The following KLHL1 variants were observed in gnomAD, a reference collection of about 807,000 sequenced individuals.
The protein encoded by KLHL1 is kelch-like protein 1.
KLHL1 carries 47 observed loss-of-function variants against 77.7 expected under a neutral mutation model. The observed-to-expected ratio is 0.60, with a 90% CI of 0.48 to 0.77. The LOEUF is 0.77. Among genes scored for constraint, KLHL1 ranks in the 30% least tolerant of loss-of-function variants. The pLI, the probability that KLHL1 is intolerant of heterozygous loss-of-function variation, is 0.00. For missense variants in KLHL1, 925 were observed against 910.8 expected, an observed-to-expected ratio of 1.02 and a Z score of -0.20; for synonymous variants, 360 against 325.2, an observed-to-expected ratio of 1.11 and a Z score of -1.15.
intron 9 of KLHL1, 27 bp downstream of exon 9, chr13:69,719,342 G>T (rs758719875): frequency 1.3e-6 from 2 of 1,584,076 alleles, no homozygotes; most frequent in African/African-American, 1.3e-5. Context: ...TGTCTCTTTC[G>T]CTGTAACAGT....
At chr13:69,799,709 T>C (rs1238411239) in intron 6 of KLHL1, among the ~76,000 whole-genome samples, 1 of 152,194 alleles carries the variant, frequency 6.6e-6, no homozygotes, top group Admixed American at 6.5e-5. Flanking sequence ...AAAATCAAAA[T>C]GCTGCCATGG....
chr13:69,904,010 G>C (rs944112887), intron 4 of KLHL1, among the ~76,000 whole-genome samples: 1 of 151,726 alleles, frequency 6.6e-6, no homozygotes, highest in African/African-American at 2.4e-5. Context: ...TGTATTTAAA[G>C]AGACCCACTT....
chr13:70,071,445 G>T (rs1020661014), intron 1 of KLHL1, among the ~76,000 whole-genome samples: 2 of 152,024 alleles, frequency 1.3e-5, no homozygotes, highest in Non-Finnish European at 2.9e-5. Context: ...GAAAGATACA[G>T]CAGGCAGAAA....
intron 7 of KLHL1, among the ~76,000 whole-genome samples, chr13:69,774,512 G>T (rs886452531): frequency 1.3e-5 from 2 of 151,900 alleles, no homozygotes; most frequent in African/African-American, 4.8e-5. Flanking sequence ...GTGAAAAATG[G>T]TATGAGTTCA....
At chr13:69,831,746 C>T (rs1344132527) in intron 6 of KLHL1, among the ~76,000 whole-genome samples, 2 of 149,936 alleles carry the variant, frequency 1.3e-5, no homozygotes, top group Admixed American at 1.3e-4. Flanking sequence ...AAAGATAGTC[C>T]ACGATGATCA....
At chr13:70,088,114 C>T (rs1417747274) in intron 1 of KLHL1, among the ~76,000 whole-genome samples, 1 of 152,274 alleles carries the variant, frequency 6.6e-6, no homozygotes, top group South Asian at 2.1e-4. Flanking sequence ...GAAGCTCAAA[C>T]ACTTCTAAGT....
At chr13:69,757,935 T>A (rs1456529693) in intron 7 of KLHL1, among the ~76,000 whole-genome samples, 1 of 96,916 alleles carries the variant, frequency 1.0e-5, no homozygotes, top group East Asian at 3.1e-4. Context: ...GCAGCCTGAG[T>A]AACAAGAGCG....
intron 4 of KLHL1, among the ~76,000 whole-genome samples, chr13:69,889,411 C>T (rs1881344542): frequency 6.6e-6 from 1 of 152,006 alleles, no homozygotes; most frequent in South Asian, 2.1e-4. Flanking sequence ...TACTCATGGT[C>T]AAGATAAGGC....
intron 1 of KLHL1, among the ~76,000 whole-genome samples, chr13:69,985,029 T>C (rs965823606): frequency 5.3e-5 from 8 of 152,110 alleles, no homozygotes; most frequent in African/African-American, 1.9e-4. Context: ...GGAGGATCGC[T>C]TGAACCTGGG....
intron 5 of KLHL1, among the ~76,000 whole-genome samples, chr13:69,848,069 C>T (rs1879540360): frequency 6.6e-6 from 1 of 151,492 alleles, no homozygotes; most frequent in Admixed American, 6.6e-5. Context: ...GTTCAGTCAT[C>T]ACAGAACTTT....
chr13:70,002,694 T>C (rs933450520), intron 1 of KLHL1, among the ~76,000 whole-genome samples: 4 of 151,606 alleles, frequency 2.6e-5, no homozygotes, highest in Non-Finnish European at 5.9e-5. Flanking sequence ...GTTCAAGAAG[T>C]GATCTTAACA....
intron 6 of KLHL1, among the ~76,000 whole-genome samples, chr13:69,834,583 C>T (rs2161756): frequency 0.3 from 45,152 of 151,916 alleles, 9,369 homozygotes; most frequent in African/African-American, 0.59. Context: ...GACTTGTCCA[C>T]TTTGGATATC....
intron 5 of KLHL1, among the ~76,000 whole-genome samples, chr13:69,853,646 GT>G (rs1879780390): frequency 6.6e-6 from 1 of 151,898 alleles, no homozygotes; most frequent in Admixed American, 6.6e-5. Context: ...AGTGTTTAAA[GT>G]GGTATTCACC....
intron 9 of KLHL1, among the ~76,000 whole-genome samples, chr13:69,711,585 CTATT>C (rs1198502180): frequency 2.0e-5 from 3 of 152,092 alleles, no homozygotes; most frequent in Non-Finnish European, 4.4e-5. Context: ...ACTTTAAAAA[CTATT>C]TATATTCTGA....
Position 69,949,626 on chromosome 13 carries a change from T to A in KLHL1, c.818-9390A>T, listed in dbSNP as rs1438902766. Among the ~76,000 whole-genome samples, 6 of 151,808 alleles carry A rather than the reference T, an allele frequency of 4.0e-5. No homozygotes were observed. In the South Asian group the frequency reaches 1.2e-3, roughly 31 times the overall value. ...ACACTTACGGAGGGGGGAGTTGTAC[T>A]CTATCTCCATGACGGTGGAATAACT... On this transcript the variant is annotated intron_variant, in intron 3 of 10. Transcript: ENST00000377844.
rs146228337 is a variant in KLHL1 at position 70,044,504 on chromosome 13, T to C, written c.497+62699A>G. ...AAACAAGTTTACATGAAAAAATACA[T>C]ATAACATTTTAATGTTTTTTTTTGT... On this transcript the variant is annotated intron_variant, in intron 1 of 10. Transcript: ENST00000377844. Among the ~76,000 whole-genome samples the C allele has an allele frequency of 6.5e-3, 992 of 152,292 alleles. 9 individuals carry two copies. The highest frequency in any genetic ancestry group is 0.027 in the Middle Eastern group (8 of 294).
intron 5 of KLHL1, among the ~76,000 whole-genome samples, chr13:69,856,862 C>T (rs1164069298): frequency 2.0e-5 from 3 of 151,870 alleles, no homozygotes; most frequent in Non-Finnish European, 2.9e-5. Context: ...CATTTTATTC[C>T]TTACAATTTC....
chr13:69,922,178 C>T (rs1467678932), intron 4 of KLHL1, among the ~76,000 whole-genome samples: 3 of 152,038 alleles, frequency 2.0e-5, no homozygotes, highest in Non-Finnish European at 4.4e-5. Context: ...AACTCCTGGT[C>T]TCAAGGGATT....
At chr13:70,076,223 A>G (rs1181619040) in intron 1 of KLHL1, among the ~76,000 whole-genome samples, 1 of 151,942 alleles carries the variant, frequency 6.6e-6, no homozygotes, top group Non-Finnish European at 1.5e-5. Flanking sequence ...ACACTACACA[A>G]CTTCCAGACT....
Sources: gnomAD v4.1 joint callset for allele counts (sites outside exome capture counted in the v4.1 genomes callset) on GRCh38, gnomAD v4.1.1 for gene constraint, MANE v1.5 for transcripts, NCBI Gene and HGNC (gene_info 2026-07-23, HGNC 2026-07-21) for gene names.